SYNJ2BP: variants seen among roughly 807,000 people sequenced by gnomAD.
The protein encoded by SYNJ2BP is synaptojanin-2-binding protein.
Under a neutral mutation model 16.9 loss-of-function variants are expected in SYNJ2BP, and 10 were observed. The observed-to-expected ratio is 0.59, with a 90% CI of 0.36 to 1.00. The LOEUF is 1.00. Ranked by LOEUF, SYNJ2BP falls within the 50% of genes least tolerant of loss-of-function variation. The pLI, the probability that SYNJ2BP is intolerant of heterozygous loss-of-function variation, is 0.01. For synonymous variants in SYNJ2BP, 54 were observed against 68.4 expected, an observed-to-expected ratio of 0.79 and a Z score of 1.04; for missense variants, 162 against 186.7, an observed-to-expected ratio of 0.87 and a Z score of 0.77.
rs766413645 is a variant in SYNJ2BP at position 70,388,497 on chromosome 14, C to T, written c.174G>A (p.Arg58=). The stretch of plus-strand genomic sequence containing the variant: ...AAAGGATCTTATCACCCTCCTGGAG[C>T]CGCCCATCCAGGGCCGCAGCCCCAT... ...KENGAAALDG[R]LQEGDKILSV... The change falls in exon 2 of 4, where the codon CGG becomes CGA. Residue 58 remains arginine, a synonymous_variant. Transcript: ENST00000256366. 6.3e-7 allele frequency: 1 copy of T among 1,586,892 alleles called. No homozygotes were observed.
chr14:70,378,080 C>T (rs1392090790), intron 2 of SYNJ2BP, among the ~76,000 whole-genome samples: 1 of 141,024 alleles, frequency 7.1e-6, no homozygotes, highest in Admixed American at 7.3e-5. Context: ...TTTCTCCTAT[C>T]TTGGCATATG....
At chr14:70,396,535 C>T (rs1322282153) in intron 1 of SYNJ2BP, among the ~76,000 whole-genome samples, 1 of 151,966 alleles carries the variant, frequency 6.6e-6, no homozygotes, top group Admixed American at 6.6e-5. Flanking sequence ...CACCATTTTA[C>T]ATCCTCACAA....
chr14:70,388,680 G>A (rs554513210), intron 1 of SYNJ2BP, 74 bp from the exon 2 acceptor site: 65 of 1,399,790 alleles, frequency 4.6e-5, no homozygotes, highest in Admixed American at 3.4e-4. Flanking sequence ...TGAAGAGAAA[G>A]GGAGGGAAAG....
intron 1 of SYNJ2BP, among the ~76,000 whole-genome samples, chr14:70,412,368 G>T (rs1474360395): frequency 6.6e-6 from 1 of 151,842 alleles, no homozygotes; most frequent in Admixed American, 6.6e-5. Flanking sequence ...AACTGGGCAA[G>T]TCCTTAACCT....
At chr14:70,405,943 T>A (rs1013463127) in intron 1 of SYNJ2BP, among the ~76,000 whole-genome samples, 3 of 152,250 alleles carry the variant, frequency 2.0e-5, no homozygotes, top group Admixed American at 2.0e-4. Context: ...ATTATCACCT[T>A]GACTTAATTA....
chr14:70,416,875 C>CA (rs1298950836), intron 1 of SYNJ2BP, 25 bp downstream of exon 1: 4 of 1,614,042 alleles, frequency 2.5e-6, no homozygotes, highest in Non-Finnish European at 2.5e-6. Context: ...CCCCTACTGT[C>CA]AGATATGACC....
At chr14:70,377,208 C>T (rs1295940129) in intron 2 of SYNJ2BP, among the ~76,000 whole-genome samples, 1 of 152,192 alleles carries the variant, frequency 6.6e-6, no homozygotes, top group Non-Finnish European at 1.5e-5. Flanking sequence ...TTACTTGCAT[C>T]CTTGCCCATC....
chr14:70,394,347 G>A (rs1888044461), intron 1 of SYNJ2BP, among the ~76,000 whole-genome samples: 1 of 151,862 alleles, frequency 6.6e-6, no homozygotes, highest in South Asian at 2.1e-4. Flanking sequence ...GGAACATACT[G>A]ATGATAACAG....
chr14:70,398,201 G>C (rs954997590), intron 1 of SYNJ2BP, among the ~76,000 whole-genome samples: 6 of 152,154 alleles, frequency 3.9e-5, no homozygotes, highest in African/African-American at 1.4e-4. Context: ...TATGCCGACT[G>C]GTCCATGGGC....
At chr14:70,377,472 G>GTTCCAGACCTTT (rs1887657022) in intron 2 of SYNJ2BP, among the ~76,000 whole-genome samples, 2 of 152,180 alleles carry the variant, frequency 1.3e-5, no homozygotes, top group Admixed American at 6.5e-5. Flanking sequence ...AGTGATAGCT[G>GTTCCAGACCTTT]TTCCAGACCT....
At chr14:70,415,015 G>T (rs1031374420) in intron 1 of SYNJ2BP, among the ~76,000 whole-genome samples, 2 of 151,962 alleles carry the variant, frequency 1.3e-5, no homozygotes, top group Admixed American at 6.6e-5. Flanking sequence ...AAGTTTAGGC[G>T]CACATATGGA....
intron 1 of SYNJ2BP, among the ~76,000 whole-genome samples, chr14:70,404,395 A>C (rs1029504114): frequency 1.3e-5 from 2 of 152,234 alleles, no homozygotes; most frequent in African/African-American, 4.8e-5. Flanking sequence ...ATGGTATAAA[A>C]GTGTATAAGC....
chr14:70,389,539 T>C (rs1401354170), intron 1 of SYNJ2BP, among the ~76,000 whole-genome samples: 1 of 152,190 alleles, frequency 6.6e-6, no homozygotes, highest in African/African-American at 2.4e-5. Context: ...ATAGGTTGAG[T>C]ATCCCTTATC....
In SYNJ2BP at chr14:70,371,703, C is replaced by G. The variant is rs1371402884; in HGVS notation, c.*1288G>C. The G allele has an allele frequency of 6.6e-6, 1 of 152,208 alleles. No homozygotes were observed. Among genetic ancestry groups the G allele is most frequent in the Non-Finnish European group, 1.5e-5 (1 of 68,086 alleles). The allele number at this position is 152,208 out of a possible 1,614,324, so 9.4% of individuals were successfully genotyped here. On this transcript the variant is annotated 3_prime_UTR_variant, in exon 4 of 4. Transcript: ENST00000256366. Reference sequence around the variant, plus strand: ...AAGTGCTGAGATGACAGGTGTGAGCCGCTGCACCCGGCCTCATTTTAACTA... The same window carrying G: ...AAGTGCTGAGATGACAGGTGTGAGCGGCTGCACCCGGCCTCATTTTAACTA...
At chr14:70,384,032 A>G (rs191586282) in intron 2 of SYNJ2BP, among the ~76,000 whole-genome samples, 263 of 151,002 alleles carry the variant, frequency 1.7e-3, no homozygotes, top group Non-Finnish European at 2.8e-3. Context: ...ATCTCGGCTC[A>G]CTGCAAGCTC....
At chr14:70,415,862 AAC>A (rs1888594986) in intron 1 of SYNJ2BP, among the ~76,000 whole-genome samples, 1 of 152,234 alleles carries the variant, frequency 6.6e-6, no homozygotes, top group African/African-American at 2.4e-5. Flanking sequence ...AATAGTAGGA[AAC>A]ACATACTGTT....
intron 1 of SYNJ2BP, among the ~76,000 whole-genome samples, chr14:70,406,090 C>A (rs1566624324): frequency 6.6e-6 from 1 of 152,162 alleles, no homozygotes; most frequent in Non-Finnish European, 1.5e-5. Flanking sequence ...GGAAGTCCAA[C>A]AGATACGTAT....
chr14:70,392,992 C>A (rs1888011890), intron 1 of SYNJ2BP, among the ~76,000 whole-genome samples: 1 of 152,086 alleles, frequency 6.6e-6, no homozygotes, highest in South Asian at 2.1e-4. Context: ...TTTTGCTCAG[C>A]AAAAGAAACT....
Position 70,369,154 on chromosome 14 carries a change from T to C in SYNJ2BP, c.*3837A>G, listed in dbSNP as rs1887461701. 6.6e-6 allele frequency: 1 copy of C among 152,244 alleles called. No homozygotes were observed. Among genetic ancestry groups the C allele is most frequent in the Non-Finnish European group, 1.5e-5 (1 of 68,066 alleles). 9.4% of individuals were successfully genotyped at this position (152,244 alleles called of 1,614,324 possible). On this transcript the variant is annotated 3_prime_UTR_variant, in exon 4 of 4. Coordinates refer to ENST00000256366, the MANE Select transcript of SYNJ2BP (RefSeq NM_018373.3). ...GTTTTTGAGACAAGGTCTCACTCCG[T>C]TGCTCAGGCTAGAATGAAGTGGAGC...
Sources: gnomAD v4.1 joint callset for allele counts (sites outside exome capture counted in the v4.1 genomes callset) on GRCh38, gnomAD v4.1.1 for gene constraint, MANE v1.5 for transcripts, NCBI Gene and HGNC (gene_info 2026-07-23, HGNC 2026-07-21) for gene names.